IFT172: variants seen among roughly 807,000 people sequenced by gnomAD.
IFT172 encodes the protein intraflagellar transport protein 172 homolog.
IFT172 carries 164 observed loss-of-function variants against 248.9 expected under a neutral mutation model. The ratio of observed to expected loss-of-function variants is 0.66; its 90% confidence interval spans 0.58 to 0.75. The LOEUF (loss-of-function observed/expected upper bound fraction) is 0.75. Ranked by LOEUF, IFT172 falls within the 30% of genes least tolerant of loss-of-function variation. IFT172 has a pLI of 0.00. For missense variants in IFT172, 1,950 were observed against 2,192.4 expected, an observed-to-expected ratio of 0.89 and a Z score of 2.21; for synonymous variants, 729 against 791.6, an observed-to-expected ratio of 0.92 and a Z score of 1.33.
intron 14 of IFT172, 51 bp downstream of exon 14, chr2:27,476,589 TG>T (rs1399459481): frequency 9.1e-7 from 1 of 1,101,624 alleles, no homozygotes; most frequent in Non-Finnish European, 1.4e-6. Context: ...GGTATGGAAG[TG>T]TGATATAAAC....
chr2:27,459,761 G>C lies in IFT172; in HGVS notation c.2590C>G (p.Leu864Val). The C allele has an allele frequency of 6.2e-7, 1 of 1,613,034 alleles. No individual in the cohort carries two copies. Among genetic ancestry groups the C allele is most frequent in the Non-Finnish European group, 8.5e-7 (1 of 1,180,030 alleles). Residue 864 changes from leucine (L) to valine (V), a missense_variant, in exon 24 of 48, where the codon CTG (leucine) becomes GTG (valine). This residue lies in a region of IFT172 where 1,166 missense variants were observed against 1,254.1 expected (regional missense o/e 0.93). Coordinates refer to ENST00000260570, the MANE Select transcript of IFT172 (RefSeq NM_015662.3). ...VKLEEAWGDHLVQQKQLDAAI... is the reference protein window; with the variant it reads ...VKLEEAWGDHVVQQKQLDAAI... ...GCATCAAGCTGCTTCTGCTGCACCAGGTGGTCCCCCCATGCCTCCTCTAGT... is the reference window on the plus strand; with the variant it reads ...GCATCAAGCTGCTTCTGCTGCACCACGTGGTCCCCCCATGCCTCCTCTAGT...
At chr2:27,480,620 A>AT (rs1293735203) in intron 8 of IFT172, among the ~76,000 whole-genome samples, 4 of 152,196 alleles carry the variant, frequency 2.6e-5, no homozygotes, top group African/African-American at 9.6e-5. Flanking sequence ...ACATCTGAGC[A>AT]TATCTTAAAT....
At chr2:27,453,007 T>C (rs571876895) in intron 35 of IFT172, 2 of 346,522 alleles carry the variant, frequency 5.8e-6, no homozygotes, top group Non-Finnish European at 1.1e-5. Context: ...GTGCCTGGAG[T>C]TGCCCTTCCA....
rs773258678 is a variant in IFT172, at chr2:27,461,446, T to C, written c.2265A>G (p.Arg755=). The stretch of plus-strand genomic sequence containing the variant: ...CTTGGCTCTCCTGTAGTTCACCTGC[T>C]CGCTCCTCTTGCTGTGTGTCCATCA... ...QWLMDTQQEE[R]AGELQESQGD... The change falls in exon 22 of 48, where the codon CGA becomes CGG. Residue 755 remains arginine (R), a synonymous_variant. Coordinates refer to ENST00000260570, the MANE Select transcript of IFT172 (RefSeq NM_015662.3). 6.2e-7 allele frequency: 1 copy of C among 1,614,140 alleles called. No homozygotes were observed. The highest frequency in any genetic ancestry group is 8.5e-7 in the Non-Finnish European group (1 of 1,180,022).
At chr2:27,464,190 C>T (rs1460102061) in intron 18 of IFT172, among the ~76,000 whole-genome samples, 1 of 152,144 alleles carries the variant, frequency 6.6e-6, no homozygotes, top group African/African-American at 2.4e-5. Context: ...TACTGATAAT[C>T]TACATGTGGG....
chr2:27,485,025 C>T lies in IFT172; in HGVS notation c.289G>A (p.Glu97Lys). 6.4e-7 allele frequency: 1 copy of T among 1,558,788 alleles called. No homozygotes were observed. Among genetic ancestry groups the T allele is most frequent in the Non-Finnish European group, 8.8e-7 (1 of 1,130,586 alleles). ...DNIIYVYKIG[E>K]DWGDKKVICN... ...CCCAGTCTCTATCCTCACCAATCTT[C>T]TCCAATCTTGTAGACATAGATGATG... Residue 97 changes from glutamate (E) to lysine (K), a missense_variant, in exon 3 of 48, where the codon GAA becomes AAA. Transcript: ENST00000260570.
rs191797887 is a variant in IFT172, at chr2:27,488,763, A to G, written c.39+852T>C. Among the ~76,000 whole-genome samples the G allele has an allele frequency of 1.7e-3, 260 of 152,326 alleles. 2 individuals are homozygous for G. Among genetic ancestry groups the G allele is most frequent in the African/African-American group, 5.9e-3 (246 of 41,576 alleles). On this transcript the variant is annotated intron_variant, in intron 1 of 47. Coordinates refer to ENST00000260570, the MANE Select transcript of IFT172 (RefSeq NM_015662.3). The stretch of plus-strand genomic sequence containing the variant: ...AAGAAGTTGGTGAGTGCTCCGAGAC[A>G]TTGTATAATAAAGGCTAAAGTTAGA...
In IFT172 at chr2:27,484,231, T is replaced by C. The variant is rs1423053908; in HGVS notation, c.332A>G (p.Gln111Arg). 4.3e-6 allele frequency: 7 copies of C among 1,613,980 alleles called. No individual in the cohort carries two copies. Among genetic ancestry groups the C allele is most frequent in the Non-Finnish European group, 4.2e-6 (5 of 1,179,968 alleles). Residue 111 changes from glutamine (Q) to arginine (R), a missense_variant, in exon 4 of 48, where the codon CAG becomes CGG. By Grantham distance (43) the Gln-to-Arg change is conservative. Around this residue, in one of 3 missense-constraint regions of IFT172, gnomAD observed 1,166 missense variants for 1,254.1 expected, o/e 0.93. Coordinates refer to ENST00000260570, the MANE Select transcript of IFT172 (RefSeq NM_015662.3). ...DKKVICNKFI[Q>R]TSAVTCLQWP... ...AGGGACTGGTCTGAACTTTACCGTC[T>C]GGATGAACTTGTTGCAGATGACTTT...
Position 27,449,719 on chromosome 2 carries a change from T to C in IFT172, c.4132A>G (p.Lys1378Glu). The change falls in exon 37 of 48, where the codon AAG becomes GAG. Residue 1378 changes from lysine to glutamate, a missense_variant. Around this residue, in one of 3 missense-constraint regions of IFT172, gnomAD observed 620 missense variants for 699.0 expected, o/e 0.89. Transcript: ENST00000260570. ...GGATCTAACTCCTTAGCTACACGCT[T>C]CGCCTTGTTCCACTCCTCACCCTCG... is the stretch of plus-strand genomic sequence containing the variant. ...FIEGEEWNKA[K>E]RVAKELDPRY... 1 of 1,613,932 alleles carries C rather than the reference T, an allele frequency of 6.2e-7. No homozygotes were observed. Among genetic ancestry groups the C allele is most frequent in the Non-Finnish European group, 8.5e-7 (1 of 1,179,866 alleles).
rs1431263019 is a variant in IFT172, at chr2:27,445,466, G to A, written c.4915-17C>T. 11 of 1,605,014 alleles carry A rather than the reference G, an allele frequency of 6.9e-6. No homozygotes were observed. In the African/African-American group the frequency reaches 9.4e-5, roughly 14 times the overall value. On this transcript the variant is annotated splice_polypyrimidine_tract_variant and intron_variant, in intron 45 of 47. Transcript: ENST00000260570. This position sits in a 1 kb window ranked among gnomAD's most constrained non-coding sequence, Gnocchi z 4.4. ...CTCAGCCTCCTGGAAAGGACAAGAA[G>A]GGAGTGGTAGCTTCACACAGGGCAG...
chr2:27,446,555 C>T (rs1665122304), intron 42 of IFT172, 200 bp from the exon 43 acceptor site: 1 of 519,268 alleles, frequency 1.9e-6, no homozygotes, highest in Admixed American at 3.3e-5. Flanking sequence ...ATTCTTTCGC[C>T]CAGGCTGGAG....
In IFT172 at chr2:27,485,137, GT is replaced by G. The variant is rs1668664388; in HGVS notation, c.184-8del. 19 of 1,452,702 alleles carry G rather than the reference GT, an allele frequency of 1.3e-5. No homozygotes were observed. In the South Asian group the frequency reaches 2.0e-4, roughly 16 times the overall value. The allele number at this position is 1,452,702 out of a possible 1,614,324, so 90.0% of individuals were successfully genotyped here. ...TATAGCTCTTCCTGCCATACTAAGA[GT>G]TTAAAAAAAAAAAAAGAAAGAAAAA... On this transcript the variant is annotated splice_region_variant and splice_polypyrimidine_tract_variant and intron_variant, in intron 2 of 47. Coordinates refer to ENST00000260570, the MANE Select transcript of IFT172 (RefSeq NM_015662.3).
rs1479068102 is a variant in IFT172, at chr2:27,489,589, G to A, written c.39+26C>T. ...TTTCTTGGAACATAAAGCATAAGGG[G>A]GAGGGACTGGCACGCAATTCCTCAC... On this transcript the variant is annotated intron_variant, in intron 1 of 47. Transcript: ENST00000260570. The A allele has an allele frequency of 1.9e-6, 3 of 1,588,218 alleles. No individual in the cohort carries two copies. The East Asian group carries it at 6.7e-5, about 36-fold the overall frequency.
In IFT172 at chr2:27,445,897, C is replaced by T. The variant is rs770189360; in HGVS notation, c.4815+32G>A. On this transcript the variant is annotated intron_variant, in intron 44 of 47. Transcript: ENST00000260570. This position sits in a 1 kb window ranked among gnomAD's most constrained non-coding sequence, Gnocchi z 4.4. Reference sequence around the variant, plus strand: ...GGCACAGCTCGCGACTGGCAAAAACCTCCACCCTCGGGGCACAGCTTCCCT... The same window carrying T: ...GGCACAGCTCGCGACTGGCAAAAACTTCCACCCTCGGGGCACAGCTTCCCT... 1.9e-5 allele frequency: 30 copies of T among 1,614,090 alleles called. No individual in the cohort carries two copies. Among genetic ancestry groups the T allele is most frequent in the African/African-American group, 2.7e-5 (2 of 74,940 alleles).
At position 27,452,696 on chromosome 2, in the gene IFT172, T is replaced by C. The variant is rs182554941; in HGVS notation, c.3951+688A>G. 1.9e-3 allele frequency among the ~76,000 whole-genome samples: 282 copies of C among 152,326 alleles called. 3 individuals carry two copies. Among genetic ancestry groups the C allele is most frequent in the Non-Finnish European group, 1.2e-3 (79 of 68,030 alleles). On this transcript the variant is annotated intron_variant, in intron 35 of 47. Transcript: ENST00000260570. ...TAACACAATGGTAAGCATTTGTGTA[T>C]TGAAACCTATTTAAGGCCAGGCGTG...
chr2:27,460,781 A>G (rs1666591755), intron 23 of IFT172, among the ~76,000 whole-genome samples: 1 of 129,180 alleles, frequency 7.7e-6, no homozygotes, highest in African/African-American at 3.0e-5. Flanking sequence ...AATAAATACT[A>G]AGGGAACTCA....
intron 1 of IFT172, among the ~76,000 whole-genome samples, chr2:27,486,885 T>C (rs563767352): frequency 1.3e-5 from 2 of 152,240 alleles, no homozygotes; most frequent in East Asian, 3.9e-4. Flanking sequence ...AGCACAAATC[T>C]CTGTCTTTTT....
intron 18 of IFT172, 140 bp from the exon 19 acceptor site, chr2:27,463,321 G>A (rs1273684194): frequency 1.5e-6 from 1 of 658,424 alleles, no homozygotes; most frequent in African/African-American, 1.8e-5. Flanking sequence ...AGAGACCAAG[G>A]AAGATGAGGG....
intron 18 of IFT172, among the ~76,000 whole-genome samples, chr2:27,464,724 TCCTGTGCC>T (rs936824398): frequency 6.6e-6 from 1 of 152,022 alleles, no homozygotes; most frequent in African/African-American, 2.4e-5. Flanking sequence ...TTCAAGTGAT[TCCTGTGCC>T]TCAGCCTCCT....
Sources: allele counts gnomAD v4.1 joint callset (sites outside exome capture counted in the v4.1 genomes callset), GRCh38; gene constraint gnomAD v4.1.1; regional missense constraint gnomAD v4.1.1; non-coding constraint Gnocchi (gnomAD v3.1); transcripts MANE v1.5; gene names NCBI Gene and HGNC (gene_info 2026-07-23, HGNC 2026-07-21).